The following OSBPL10 variants were observed in gnomAD, a reference collection of about 807,000 sequenced individuals.
OSBPL10 encodes oxysterol-binding protein-related protein 10.
A neutral mutation model predicts 81.7 loss-of-function variants in OSBPL10; 49 were observed. The observed-to-expected ratio is 0.60, with a 90% CI of 0.48 to 0.76. The LOEUF is 0.76. Ranked by LOEUF, OSBPL10 falls within the 30% of genes least tolerant of loss-of-function variation. OSBPL10 has a pLI of 0.00. For missense variants in OSBPL10, 923 were observed against 987.8 expected (o/e 0.93, Z 0.88); for synonymous variants, 419 against 383.6 (o/e 1.09, Z -1.08).
chr3:31,868,246 G>A (rs1701231393), intron 3 of OSBPL10, among the ~76,000 whole-genome samples: 1 of 152,074 alleles, frequency 6.6e-6, no homozygotes, highest in Non-Finnish European at 1.5e-5. Context: ...ATGGCATATA[G>A]GTAATATTCA....
chr3:31,904,821 C>T (rs1696355264), intron 1 of OSBPL10, among the ~76,000 whole-genome samples: 1 of 152,156 alleles, frequency 6.6e-6, no homozygotes, highest in Non-Finnish European at 1.5e-5. Flanking sequence ...ACAGAGATAG[C>T]TGGTGTTTGG....
At chr3:31,831,691 A>G (rs1343621114) in intron 3 of OSBPL10, among the ~76,000 whole-genome samples, 1 of 152,252 alleles carries the variant, frequency 6.6e-6, no homozygotes, top group South Asian at 2.1e-4. Context: ...ACTTTAGATA[A>G]CCATCTTTCA....
intron 4 of OSBPL10, among the ~76,000 whole-genome samples, chr3:31,812,717 A>AGAAAGAAAG (rs1348253112): frequency 1.9e-5 from 1 of 53,488 alleles, no homozygotes; most frequent in African/African-American, 4.9e-5. Context: ...GTAGGCAAAA[A>AGAAAGAAAG]AAAAGAAAGA....
chr3:31,934,570 C>A (rs1394317239), intron 1 of OSBPL10, among the ~76,000 whole-genome samples: 1 of 152,056 alleles, frequency 6.6e-6, no homozygotes, highest in Non-Finnish European at 1.5e-5. Flanking sequence ...CCACACCCAG[C>A]TAATTTTTTG....
chr3:32,013,370 G>C (rs1699279401), intron 2 of OSBPL10, among the ~76,000 whole-genome samples: 4 of 152,156 alleles, frequency 2.6e-5, no homozygotes, highest in Non-Finnish European at 5.9e-5. Context: ...AATGAAGGCA[G>C]AAATAAAGAT....
rs1202003647 is a variant in OSBPL10, at chr3:31,688,281, TCTCACACA to T, written c.1246-4175_1246-4168del. ...CCCTGCACAAATCTCTCTCTCTCTC[TCTCACACA>T]CACACACACACACACACACACACAC... On this transcript the variant is annotated intron_variant, in intron 7 of 11. Transcript: ENST00000396556. Among the ~76,000 whole-genome samples the T allele has an allele frequency of 1.8e-3, 207 of 113,976 alleles. 2 individuals carry two copies. The highest frequency in any genetic ancestry group is 9.1e-3 in the East Asian group (24 of 2,626). 74.8% of individuals were successfully genotyped at this position (113,976 alleles called of 152,430 possible).
chr3:31,872,622 CTTT>C (rs71097452), intron 3 of OSBPL10, among the ~76,000 whole-genome samples: 4 of 127,852 alleles, frequency 3.1e-5, no homozygotes, highest in African/African-American at 6.0e-5. Context: ...AATTCAAAAG[CTTT>C]TTTTTTTTTT....
At chr3:31,856,967 G>A (rs563923806) in intron 3 of OSBPL10, among the ~76,000 whole-genome samples, 4 of 151,998 alleles carry the variant, frequency 2.6e-5, no homozygotes, top group South Asian at 2.1e-4. Flanking sequence ...TCCCAGCTAC[G>A]TGGGTGAATC....
At position 31,761,813 on chromosome 3, in the gene OSBPL10, T is replaced by TAAAAAAAAAAAAAAAAAAAAA. The variant is rs34579457; in HGVS notation, c.730-13694_730-13693insTTTTTTTTTTTTTTTTTTTTT. ...CTGGGCAACAGAGCAAGACTGTCTCTAAAAAAAAAAAAAAAAAACCCTAAA... is the reference window on the plus strand; with the variant it reads ...CTGGGCAACAGAGCAAGACTGTCTCTAAAAAAAAAAAAAAAAAAAAAAAAAAAAAAAAAAAAAAACCCTAAA... On this transcript the variant is annotated intron_variant, in intron 4 of 11. Transcript: ENST00000396556. 3.8e-4 allele frequency among the ~76,000 whole-genome samples: 41 copies of TAAAAAAAAAAAAAAAAAAAAA among 107,508 alleles called. 4 individuals carry two copies. Among genetic ancestry groups the TAAAAAAAAAAAAAAAAAAAAA allele is most frequent in the African/African-American group, 2.1e-3 (33 of 15,684 alleles). The allele number at this position is 107,508 out of a possible 152,430, so 70.5% of individuals were successfully genotyped here.
In OSBPL10 at chr3:31,751,378, ATAAAATAAAAT is replaced by A. The variant is rs1281181591; in HGVS notation, c.730-3269_730-3259del. Among the ~76,000 whole-genome samples, 140 of 13,858 alleles carry A rather than the reference ATAAAATAAAAT, an allele frequency of 0.01. No individual in the cohort carries two copies. The African/African-American group carries it at 0.16, about 16-fold the overall frequency. 9.1% of individuals were successfully genotyped at this position (13,858 alleles called of 152,430 possible). A position where few individuals can be genotyped will look rare whatever the true frequency, so the allele number is the denominator to read the frequency against. ...AATAAATAAACAAACAAACAAACAA[ATAAAATAAAAT>A]AAAATAAAATAAAATAAAAATAAAA... On this transcript the variant is annotated intron_variant, in intron 4 of 11. Transcript: ENST00000396556.
intron 4 of OSBPL10, among the ~76,000 whole-genome samples, chr3:31,820,177 T>C (rs942973863): frequency 2.0e-5 from 3 of 152,212 alleles, no homozygotes; most frequent in Admixed American, 2.0e-4. Context: ...AAGGAAAGTA[T>C]TGAGCCCAGG....
At chr3:31,996,354 CT>C (rs1699089899) in intron 2 of OSBPL10, among the ~76,000 whole-genome samples, 1 of 152,114 alleles carries the variant, frequency 6.6e-6, no homozygotes, top group South Asian at 2.1e-4. Flanking sequence ...TCTCTAAACT[CT>C]CCCCCCCGTG....
At chr3:31,665,641 C>G (rs573574302) in intron 10 of OSBPL10, among the ~76,000 whole-genome samples, 12 of 152,324 alleles carry the variant, frequency 7.9e-5, no homozygotes, top group Admixed American at 3.3e-4. Flanking sequence ...TGATTGGTCT[C>G]TCAGTCCCTC....
chr3:31,817,772 C>T (rs964290831), intron 4 of OSBPL10, among the ~76,000 whole-genome samples: 3 of 152,124 alleles, frequency 2.0e-5, no homozygotes, highest in East Asian at 1.9e-4. Context: ...TCAGAAGGGG[C>T]GGGGCTCCCA....
chr3:32,010,254 G>T (rs1699241507), intron 2 of OSBPL10, among the ~76,000 whole-genome samples: 1 of 152,106 alleles, frequency 6.6e-6, no homozygotes, highest in African/African-American at 2.4e-5. Flanking sequence ...GGCTGCAGGA[G>T]AAACCAAGAC....
chr3:32,068,565 T>C (rs553084338), intron 1 of OSBPL10, among the ~76,000 whole-genome samples: 1 of 152,246 alleles, frequency 6.6e-6, no homozygotes, highest in South Asian at 2.1e-4. Context: ...AATCTAAGCA[T>C]CTTATTTTCT....
intron 1 of OSBPL10, among the ~76,000 whole-genome samples, chr3:32,047,250 T>A (rs1013548596): frequency 6.6e-6 from 1 of 152,248 alleles, no homozygotes; most frequent in South Asian, 2.1e-4. Context: ...ATGCTAGGAT[T>A]ACAGGCTGAG....
At chr3:32,006,206 A>T (rs1369015977) in intron 2 of OSBPL10, among the ~76,000 whole-genome samples, 1 of 152,146 alleles carries the variant, frequency 6.6e-6, no homozygotes, top group South Asian at 2.1e-4. Flanking sequence ...TCGGCCTCTC[A>T]AAGTGCTGGG....
chr3:31,665,695 C>T (rs548940004), intron 10 of OSBPL10, among the ~76,000 whole-genome samples: 8 of 152,300 alleles, frequency 5.3e-5, no homozygotes, highest in Admixed American at 2.6e-4. Context: ...AGGAAAGACT[C>T]GCCCAAACAG....
Sources: allele counts gnomAD v4.1 joint callset (sites outside exome capture counted in the v4.1 genomes callset), GRCh38; gene constraint gnomAD v4.1.1; transcripts MANE v1.5; gene names NCBI Gene and HGNC (gene_info 2026-07-23, HGNC 2026-07-21).